The following STPG2 variants were observed in gnomAD, a reference collection of about 807,000 sequenced individuals.
STPG2 encodes sperm tail PG-rich repeat containing 2.
Under a neutral mutation model 54.2 loss-of-function variants are expected in STPG2, and 56 were observed. That is an observed-to-expected ratio of 1.03 (90% CI 0.83 to 1.29). The LOEUF (loss-of-function observed/expected upper bound fraction) is 1.29. Ranked by LOEUF, STPG2 falls within the 50% of genes most tolerant of loss-of-function variation. The probability of loss-of-function intolerance (pLI) is 0.00; values close to 1 mark genes in which losing one functional copy is unlikely to be tolerated. For synonymous variants in STPG2, 200 were observed against 181.8 expected, an observed-to-expected ratio of 1.10 and a Z score of -0.81; for missense variants, 596 against 544.9, an observed-to-expected ratio of 1.09 and a Z score of -0.93.
At chr4:97,710,272 T>A (rs190483212) in intron 10 of STPG2, among the ~76,000 whole-genome samples, 17 of 152,054 alleles carry the variant, frequency 1.1e-4, no homozygotes, top group African/African-American at 4.1e-4. Context: ...GTAAGATATA[T>A]TCCAAAAGCA....
At chr4:97,639,692 A>C (rs1466733831) in intron 10 of STPG2, among the ~76,000 whole-genome samples, 1 of 152,094 alleles carries the variant, frequency 6.6e-6, no homozygotes, top group Non-Finnish European at 1.5e-5. Flanking sequence ...AAGTTTTTCC[A>C]GAATTTTTAA....
At chr4:97,832,049 T>C (rs1728484975) in intron 9 of STPG2, among the ~76,000 whole-genome samples, 1 of 152,094 alleles carries the variant, frequency 6.6e-6, no homozygotes, top group Non-Finnish European at 1.5e-5. Context: ...TACCAAAACA[T>C]GGCAGAGACA....
intron 10 of STPG2, among the ~76,000 whole-genome samples, chr4:97,594,914 C>A (rs1020309471): frequency 1.3e-5 from 2 of 152,146 alleles, no homozygotes; most frequent in Admixed American, 6.5e-5. Context: ...CATCTCACAC[C>A]AGTTAGAATG....
rs78717368 is a variant in STPG2, at chr4:97,496,382, A to T, written c.462+216317T>A. On this transcript the variant is annotated intron_variant, in intron 4 of 4. Transcript: ENST00000522676. ...TCAGGGAAAAGAATTTATTAAACAC[A>T]CTCCCCAAGACACATGCTGAACTCA... Among the ~76,000 whole-genome samples, 729 of 151,550 alleles carry T rather than the reference A, an allele frequency of 4.8e-3. 10 individuals are homozygous for T. The highest frequency in any genetic ancestry group is 0.017 in the African/African-American group (686 of 41,386).
At chr4:97,882,899 C>T (rs1274982526) in intron 8 of STPG2, among the ~76,000 whole-genome samples, 1 of 152,036 alleles carries the variant, frequency 6.6e-6, no homozygotes, top group African/African-American at 2.4e-5. Context: ...TACTCTGCTA[C>T]ACAACATGTC....
intron 8 of STPG2, among the ~76,000 whole-genome samples, chr4:97,856,835 C>T (rs1327727574): frequency 6.6e-6 from 1 of 152,126 alleles, no homozygotes; most frequent in Non-Finnish European, 1.5e-5. Context: ...TATGTTATTT[C>T]AATACCTAGT....
intron 3 of STPG2, among the ~76,000 whole-genome samples, chr4:98,110,510 T>G (rs2865982): frequency 0.4 from 60,017 of 151,850 alleles, 12,105 homozygotes; most frequent in Middle Eastern, 0.46. Context: ...AGAAAGCCAC[T>G]GAGCATGTGA....
At chr4:98,109,637 G>C (rs1364457901) in intron 3 of STPG2, among the ~76,000 whole-genome samples, 1 of 152,122 alleles carries the variant, frequency 6.6e-6, no homozygotes, top group Non-Finnish European at 1.5e-5. Flanking sequence ...ATTTAAAAAA[G>C]AGAGAGGGGA....
intron 9 of STPG2, among the ~76,000 whole-genome samples, chr4:97,725,678 T>G (rs1394616616): frequency 2.6e-5 from 4 of 151,756 alleles, no homozygotes; most frequent in Non-Finnish European, 5.9e-5. Flanking sequence ...AAAATTCTAT[T>G]GGAACCAAAA....
rs143890299 is a variant in STPG2 at position 98,140,368 on chromosome 4, A to G, written c.109+2674T>C. Reference sequence around the variant, plus strand: ...TACAAAGGATTTTTTTTTCACAAATAATGTAATATATCTTAGAAAGATCAC... The same window carrying G: ...TACAAAGGATTTTTTTTTCACAAATGATGTAATATATCTTAGAAAGATCAC... On this transcript the variant is annotated intron_variant, in intron 1 of 10. Coordinates refer to ENST00000295268, the MANE Select transcript of STPG2 (RefSeq NM_174952.3). 4.3e-3 allele frequency among the ~76,000 whole-genome samples: 651 copies of G among 152,274 alleles called. 3 individuals carry two copies. The highest frequency in any genetic ancestry group is 0.014 in the African/African-American group (599 of 41,566).
At chr4:97,509,375 GACA>G (rs528851363) in intron 4 of STPG2, among the ~76,000 whole-genome samples, 19 of 152,112 alleles carry the variant, frequency 1.2e-4, no homozygotes, top group Middle Eastern at 3.4e-3. Context: ...TTATAAAAAT[GACA>G]ACTGACGTTC....
At chr4:97,726,348 T>A (rs148146199) in intron 9 of STPG2, among the ~76,000 whole-genome samples, 297 of 151,874 alleles carry the variant, frequency 2.0e-3, no homozygotes, top group African/African-American at 6.8e-3. Flanking sequence ...ATGAAAAGAG[T>A]TCTGTGGATA....
chr4:97,597,925 AG>A (rs1733341920), intron 10 of STPG2, among the ~76,000 whole-genome samples: 1 of 152,188 alleles, frequency 6.6e-6, no homozygotes, highest in Admixed American at 6.5e-5. Context: ...TCCAAAGAGA[AG>A]AGAGGAAATC....
At chr4:97,937,163 C>T (rs767333982) in intron 8 of STPG2, among the ~76,000 whole-genome samples, 2 of 151,728 alleles carry the variant, frequency 1.3e-5, no homozygotes, top group Admixed American at 6.6e-5. Flanking sequence ...TCTGCTTGAT[C>T]GATTCAGCTA....
At position 97,478,873 on chromosome 4, in the gene STPG2, ATGTGTGTGTGTGTG is replaced by A. The variant is rs35662485; in HGVS notation, c.462+233812_462+233825del. ...ATGAACCCTAGAAACCAAGCCAAATATGTGTGTGTGTGTGTGTGTGTGTGTGTGTGTGTGTGTGT... is the reference window on the plus strand; with the variant it reads ...ATGAACCCTAGAAACCAAGCCAAATATGTGTGTGTGTGTGTGTGTGTGTGT... On this transcript the variant is annotated intron_variant, in intron 4 of 4. Coordinates refer to the STPG2 transcript ENST00000522676. Among the ~76,000 whole-genome samples, 225 of 134,036 alleles carry A rather than the reference ATGTGTGTGTGTGTG, an allele frequency of 1.7e-3. 1 individual carries two copies. The highest frequency in any genetic ancestry group is 4.4e-3 in the African/African-American group (160 of 36,334). The allele number at this position is 134,036 out of a possible 152,430, so 87.9% of individuals were successfully genotyped here. A position where few individuals can be genotyped will look rare whatever the true frequency, so the allele number is the denominator to read the frequency against.
intron 4 of STPG2, among the ~76,000 whole-genome samples, chr4:97,532,347 T>C (rs1400828609): frequency 1.3e-5 from 2 of 152,160 alleles, no homozygotes; most frequent in East Asian, 3.8e-4. Flanking sequence ...TGTTATTTCA[T>C]TTGATTTATT....
intron 9 of STPG2, among the ~76,000 whole-genome samples, chr4:97,827,208 G>A (rs1728285591): frequency 6.8e-6 from 1 of 147,946 alleles, no homozygotes; most frequent in South Asian, 2.2e-4. Context: ...GTTTTTCAGA[G>A]TTAAGGAAAC....
At chr4:97,613,524 A>ACGTG (rs1257974540) in intron 10 of STPG2, among the ~76,000 whole-genome samples, 3 of 140,646 alleles carry the variant, frequency 2.1e-5, no homozygotes, top group Admixed American at 7.1e-5. Context: ...GTGTGTATGC[A>ACGTG]CGTGCGTGTG....
intron 4 of STPG2, among the ~76,000 whole-genome samples, chr4:97,468,340 A>T (rs369615874): frequency 6.6e-6 from 1 of 151,994 alleles, no homozygotes. Context: ...TTTTTTAATT[A>T]ATCAAAAATA....
Sources: gnomAD v4.1 joint callset for allele counts (sites outside exome capture counted in the v4.1 genomes callset) on GRCh38, gnomAD v4.1.1 for gene constraint, MANE v1.5 for transcripts, NCBI Gene and HGNC (gene_info 2026-07-23, HGNC 2026-07-21) for gene names.